The following ZFAND3 variants were observed in gnomAD, a reference collection of about 807,000 sequenced individuals.
The protein encoded by ZFAND3 is zinc finger AN1-type containing 3.
Under a neutral mutation model 29.6 loss-of-function variants are expected in ZFAND3, and 10 were observed. The ratio of observed to expected loss-of-function variants is 0.34; its 90% CI spans 0.21 to 0.57. ZFAND3 has a LOEUF of 0.57. ZFAND3 is among the 20% of genes least tolerant of loss of function. The pLI, the probability that ZFAND3 is intolerant of heterozygous loss-of-function variation, is 0.86. For missense variants in ZFAND3, 230 were observed against 304.5 expected, an observed-to-expected ratio of 0.76 and a Z score of 1.82; for synonymous variants, 128 against 112.6, an observed-to-expected ratio of 1.14 and a Z score of -0.87.
chr6:37,970,641 C>T (rs567569242), intron 2 of ZFAND3, among the ~76,000 whole-genome samples: 35 of 152,164 alleles, frequency 2.3e-4, no homozygotes, highest in Non-Finnish European at 3.8e-4. Context: ...GGTGGCTCAA[C>T]GCCTGTAATC....
At chr6:37,984,995 GTT>G (rs775489121) in intron 2 of ZFAND3, among the ~76,000 whole-genome samples, 14 of 152,124 alleles carry the variant, frequency 9.2e-5, no homozygotes, top group Non-Finnish European at 1.9e-4. Flanking sequence ...AAAAAGGGAT[GTT>G]TTATTTCTAA....
chr6:38,125,661 A>G (rs1446189723), intron 5 of ZFAND3, among the ~76,000 whole-genome samples: 1 of 152,198 alleles, frequency 6.6e-6, no homozygotes, highest in Admixed American at 6.5e-5. Flanking sequence ...ACAGCACAAT[A>G]ATAGTGTTAC....
At chr6:37,913,864 C>A (rs1031317204) in intron 1 of ZFAND3, among the ~76,000 whole-genome samples, 1 of 151,926 alleles carries the variant, frequency 6.6e-6, no homozygotes, top group African/African-American at 2.4e-5. Context: ...GCACAGGCCA[C>A]CATGCCTGGC....
chr6:38,084,823 C>T (rs1169018459), intron 4 of ZFAND3, among the ~76,000 whole-genome samples: 2 of 152,112 alleles, frequency 1.3e-5, no homozygotes, highest in East Asian at 3.9e-4. Context: ...TCCTAAAAAG[C>T]CTGAAGGAAA....
chr6:37,900,003 G>A (rs990472613), intron 1 of ZFAND3, among the ~76,000 whole-genome samples: 4 of 152,054 alleles, frequency 2.6e-5, no homozygotes, highest in Non-Finnish European at 5.9e-5. Context: ...GTAGAATTAC[G>A]TCATTCTTTT....
At chr6:38,045,539 T>C (rs1449177468) in intron 2 of ZFAND3, among the ~76,000 whole-genome samples, 2 of 152,198 alleles carry the variant, frequency 1.3e-5, no homozygotes, top group Non-Finnish European at 2.9e-5. Context: ...TAATTTGATA[T>C]ACATTTTTTC....
intron 1 of ZFAND3, among the ~76,000 whole-genome samples, chr6:37,858,243 G>A (rs931957818): frequency 1.4e-4 from 21 of 152,128 alleles, no homozygotes; most frequent in African/African-American, 4.6e-4. Flanking sequence ...CAGAATATTA[G>A]GGTTGTCTTC....
chr6:37,894,888 G>C (rs1030728535), intron 1 of ZFAND3, among the ~76,000 whole-genome samples: 1 of 151,986 alleles, frequency 6.6e-6, no homozygotes. Flanking sequence ...ATCTTCTTTC[G>C]TTTATATATA....
At chr6:38,019,390 A>G (rs925701733) in intron 2 of ZFAND3, among the ~76,000 whole-genome samples, 24 of 152,142 alleles carry the variant, frequency 1.6e-4, no homozygotes, top group Non-Finnish European at 2.9e-4. Context: ...CATTTTTTCT[A>G]TTAGACTTTG....
In ZFAND3 at chr6:37,974,402, CTTT is replaced by C. The variant is rs10573359; in HGVS notation, c.112+44420_112+44422del. 1.3e-3 allele frequency among the ~76,000 whole-genome samples: 40 copies of C among 30,796 alleles called. No individual in the cohort carries two copies. In the East Asian group the frequency reaches 0.014, roughly 11 times the overall value. The allele number at this position is 30,796 out of a possible 152,430, so 20.2% of individuals were successfully genotyped here. A position where few individuals can be genotyped will look rare whatever the true frequency, so the allele number is the denominator to read the frequency against. On this transcript the variant is annotated intron_variant, in intron 2 of 5. Transcript: ENST00000287218. ...TTATATACTCTCTCTCTCTCTCTCT[CTTT>C]TTTTTTTTTTTTTTTTGGAGACAGG...
Position 38,139,458 on chromosome 6 carries a change from C to T in ZFAND3, c.530-12777C>T, listed in dbSNP as rs141867077. Among the ~76,000 whole-genome samples, 202 of 152,204 alleles carry T rather than the reference C, an allele frequency of 1.3e-3. 1 individual carries two copies. Among genetic ancestry groups the T allele is most frequent in the African/African-American group, 4.6e-3 (193 of 41,510 alleles). The stretch of plus-strand genomic sequence containing the variant: ...GGAAAAGTTCAAGATGCCTTGAAAG[C>T]ATCCAACTGGGCCCTAACCTAGTCT... On this transcript the variant is annotated intron_variant, in intron 5 of 5. Coordinates refer to ENST00000287218, the MANE Select transcript of ZFAND3 (RefSeq NM_021943.3).
rs1038825345 is a variant in ZFAND3 at position 38,090,520 on chromosome 6, T to C, written c.361+8063T>C. Among the ~76,000 whole-genome samples, 5 of 152,206 alleles carry C rather than the reference T, an allele frequency of 3.3e-5. 1 individual carries two copies. The highest frequency in any genetic ancestry group is 4.8e-5 in the African/African-American group (2 of 41,464). ...AAGGAATATCAAATATTTGGCAAGA[T>C]TGCAAAAATTTCTCTAATCAAAAAG... On this transcript the variant is annotated intron_variant, in intron 4 of 5. Coordinates refer to ENST00000287218, the MANE Select transcript of ZFAND3 (RefSeq NM_021943.3).
intron 5 of ZFAND3, among the ~76,000 whole-genome samples, chr6:38,129,407 T>C (rs1288222707): frequency 2.3e-4 from 35 of 152,230 alleles, no homozygotes; most frequent in Admixed American, 2.3e-3. Flanking sequence ...CCTAAGCCAA[T>C]GTCTAGAAGG....
chr6:38,130,882 A>G (rs1488984284), intron 5 of ZFAND3, among the ~76,000 whole-genome samples: 2 of 152,162 alleles, frequency 1.3e-5, no homozygotes, highest in Non-Finnish European at 2.9e-5. Flanking sequence ...CAATAGGATT[A>G]GTACCAACTC....
At chr6:37,931,540 C>T (rs544228443) in intron 2 of ZFAND3, among the ~76,000 whole-genome samples, 2 of 133,288 alleles carry the variant, frequency 1.5e-5, no homozygotes, top group Non-Finnish European at 3.2e-5. Context: ...GAGACTCCGT[C>T]TCAAAAAAAA....
chr6:37,977,357 A>C, intron 2 of ZFAND3, among the ~76,000 whole-genome samples: 1 of 152,188 alleles, frequency 6.6e-6, no homozygotes, highest in East Asian at 1.9e-4. Context: ...GCTGGAGTGC[A>C]GTAGCACGAT....
At chr6:37,993,482 A>G (rs951469241) in intron 2 of ZFAND3, among the ~76,000 whole-genome samples, 1 of 152,064 alleles carries the variant, frequency 6.6e-6, no homozygotes, top group African/African-American at 2.4e-5. Context: ...GCGTGCCACC[A>G]TGCCTGGCTA....
chr6:37,918,407 C>G (rs1045906178), intron 1 of ZFAND3, among the ~76,000 whole-genome samples: 2 of 151,510 alleles, frequency 1.3e-5, no homozygotes, highest in African/African-American at 4.9e-5. Context: ...TATCCTCCAG[C>G]TTCTAGAAGT....
chr6:38,153,664 A>G lies in ZFAND3; in HGVS notation c.*1275A>G, dbSNP rs1766283851. ...TTCAGCAGCTGCAACTGCGCACGCC[A>G]GGTGGGGAAGGGTGGGGGTGGGCCT... On this transcript the variant is annotated 3_prime_UTR_variant, in exon 6 of 6. Transcript: ENST00000287218. The G allele has an allele frequency of 1.5e-6, 1 of 675,596 alleles. No homozygotes were observed. The highest frequency in any genetic ancestry group is 1.8e-6 in the Non-Finnish European group (1 of 549,528). The allele number at this position is 675,596 out of a possible 1,614,324, so 41.9% of individuals were successfully genotyped here.
Sources: allele counts gnomAD v4.1 joint callset (sites outside exome capture counted in the v4.1 genomes callset), GRCh38; gene constraint gnomAD v4.1.1; transcripts MANE v1.5; gene names NCBI Gene and HGNC (gene_info 2026-07-23, HGNC 2026-07-21).